The following GPHN variants were observed in gnomAD, a reference collection of about 807,000 sequenced individuals.
GPHN encodes the protein gephyrin.
GPHN carries 17 observed loss-of-function variants against 95.5 expected under a neutral mutation model. The observed-to-expected ratio is 0.18, with a 90% CI of 0.12 to 0.27. The LOEUF (loss-of-function observed/expected upper bound fraction) is 0.27, where lower values mean the gene tolerates loss of function less well. GPHN is among the 10% of genes least tolerant of loss of function. The probability of loss-of-function intolerance (pLI) is 1.00; values close to 1 mark genes in which losing one functional copy is unlikely to be tolerated. For synonymous variants in GPHN, 320 were observed against 322.5 expected, an observed-to-expected ratio of 0.99 and a Z score of 0.08; for missense variants, 660 against 978.1, an observed-to-expected ratio of 0.67 and a Z score of 4.34.
At chr14:66,536,864 A>G (rs1456202289) in intron 1 of GPHN, among the ~76,000 whole-genome samples, 1 of 133,158 alleles carries the variant, frequency 7.5e-6, no homozygotes, top group African/African-American at 3.8e-5. Context: ...ATTATAAACT[A>G]TGACTGTAGT....
intron 1 of GPHN, among the ~76,000 whole-genome samples, chr14:66,575,659 G>A (rs2060872905): frequency 6.6e-6 from 1 of 152,132 alleles, no homozygotes; most frequent in Non-Finnish European, 1.5e-5. Flanking sequence ...ACACAACCAG[G>A]TTATGTCTGC....
intron 2 of GPHN, among the ~76,000 whole-genome samples, chr14:66,688,295 C>G (rs1258449855): frequency 6.6e-6 from 1 of 152,048 alleles, no homozygotes; most frequent in South Asian, 2.1e-4. Flanking sequence ...TTTGCTGTCT[C>G]AGGAGTGGCA....
chr14:66,926,609 G>A (rs1233861472), intron 8 of GPHN, among the ~76,000 whole-genome samples: 1 of 152,074 alleles, frequency 6.6e-6, no homozygotes. Flanking sequence ...ATTGGTCTAT[G>A]TATCTGTTTT....
chr14:66,967,335 G>A (rs2069409211), intron 9 of GPHN, among the ~76,000 whole-genome samples: 1 of 151,956 alleles, frequency 6.6e-6, no homozygotes, highest in Non-Finnish European at 1.5e-5. Context: ...ACAGAAGGAA[G>A]TGAAATTTGT....
At chr14:67,274,227 G>A in the GPHN span, among the ~76,000 whole-genome samples, 1 of 152,126 alleles carries the variant, frequency 6.6e-6, no homozygotes, top group African/African-American at 2.4e-5. Context: ...TATTGCCTAG[G>A]TTTTCTTCTA....
intron 2 of GPHN, among the ~76,000 whole-genome samples, chr14:66,702,339 T>C (rs2153415661): frequency 6.6e-6 from 1 of 152,250 alleles, no homozygotes; most frequent in Non-Finnish European, 1.5e-5. Context: ...GCCACCCAAC[T>C]GGGTGAGACC....
intron 9 of GPHN, among the ~76,000 whole-genome samples, chr14:66,987,789 C>T (rs533886612): frequency 1.2e-4 from 19 of 152,104 alleles, no homozygotes; most frequent in Non-Finnish European, 2.4e-4. Context: ...TGCATTCTTA[C>T]GTTATAGAAA....
intron 9 of GPHN, among the ~76,000 whole-genome samples, chr14:66,987,311 G>A (rs1016465564): frequency 6.6e-6 from 1 of 152,010 alleles, no homozygotes; most frequent in Non-Finnish European, 1.5e-5. Flanking sequence ...AATTACTGAA[G>A]GTGAAATAAA....
the GPHN span, chr14:67,316,836 A>C: frequency 6.2e-7 from 1 of 1,610,994 alleles, no homozygotes; most frequent in Non-Finnish European, 8.5e-7. Context: ...ATTAAGGGAA[A>C]AGCTTTCAGC....
chr14:67,157,904 A>G (rs2081703696), intron 18 of GPHN, among the ~76,000 whole-genome samples: 1 of 151,814 alleles, frequency 6.6e-6, no homozygotes, highest in Non-Finnish European at 1.5e-5. Context: ...GGAAGGAAGG[A>G]GTCTTGCTAG....
At chr14:67,679,824 T>TA in the GPHN span, among the ~76,000 whole-genome samples, 1 of 152,264 alleles carries the variant, frequency 6.6e-6, no homozygotes, top group Non-Finnish European at 1.5e-5. Context: ...AGTCAAAGTT[T>TA]TAAAAAAAAT....
At chr14:66,875,104 A>G (rs1203760527) in intron 4 of GPHN, among the ~76,000 whole-genome samples, 1 of 152,204 alleles carries the variant, frequency 6.6e-6, no homozygotes, top group Non-Finnish European at 1.5e-5. Flanking sequence ...GCCAATATTC[A>G]ACATTCTTAA....
chr14:67,711,330 T>C, the GPHN span, among the ~76,000 whole-genome samples: 4 of 152,234 alleles, frequency 2.6e-5, no homozygotes, highest in African/African-American at 9.6e-5. Flanking sequence ...GTAATAAGTA[T>C]GAAATTGCTT....
At chr14:67,388,811 C>G in the GPHN span, among the ~76,000 whole-genome samples, 1 of 152,058 alleles carries the variant, frequency 6.6e-6, no homozygotes, top group Non-Finnish European at 1.5e-5. Context: ...TCCCGAGGAA[C>G]TGGGATTACA....
chr14:67,283,807 ATCAT>A, the GPHN span, among the ~76,000 whole-genome samples: 60 of 152,246 alleles, frequency 3.9e-4, no homozygotes, highest in Non-Finnish European at 7.8e-4. Context: ...TAACTGCTAC[ATCAT>A]TCAGTCTTTG....
At position 67,143,438 on chromosome 14, in the gene GPHN, A is replaced by T; in HGVS notation, c.1825A>T (p.Met609Leu). Residue 609 changes from methionine (M) to leucine (L), a missense_variant, in exon 18 of 23, where the codon ATG becomes TTG. This residue lies in a region of GPHN where 257 missense variants were observed against 376.2 expected (regional missense o/e 0.68). Coordinates refer to ENST00000478722, the MANE Select transcript of GPHN (RefSeq NM_020806.5). ...DVIITSGGVS[M>L]GEKDYLKQVL... Reference sequence around the variant, plus strand: ...CATCATCACATCAGGGGGTGTATCCATGGGGGAAAAGGTATGAAAGATAGG... The same window carrying T: ...CATCATCACATCAGGGGGTGTATCCTTGGGGGAAAAGGTATGAAAGATAGG... 1 of 1,589,702 alleles carries T rather than the reference A, an allele frequency of 6.3e-7. No individual in the cohort carries two copies. Among genetic ancestry groups the T allele is most frequent in the Non-Finnish European group, 8.6e-7 (1 of 1,157,792 alleles).
At chr14:67,647,103 T>G in the GPHN span, 371 of 951,032 alleles carry the variant, frequency 3.9e-4, 5 homozygotes, top group South Asian at 5.2e-3. Context: ...GGACAGCAGC[T>G]TTACTTTTAA....
intron 1 of GPHN, among the ~76,000 whole-genome samples, chr14:66,655,771 CCTTTTTCTTCTCAT>C (rs2065270570): frequency 5.3e-5 from 8 of 151,696 alleles, no homozygotes. Flanking sequence ...TGAGGAATTT[CCTTTTTCTTCTCAT>C]CTTTTTGAGA....
At chr14:67,451,443 C>G in the GPHN span, among the ~76,000 whole-genome samples, 1 of 152,228 alleles carries the variant, frequency 6.6e-6, no homozygotes, top group African/African-American at 2.4e-5. Flanking sequence ...AGGAGAAGGG[C>G]TATACATGCA....
Sources: gnomAD v4.1 joint callset for allele counts (sites outside exome capture counted in the v4.1 genomes callset) on GRCh38, gnomAD v4.1.1 for gene constraint, gnomAD v4.1.1 regional missense constraint, MANE v1.5 for transcripts, NCBI Gene and HGNC (gene_info 2026-07-23, HGNC 2026-07-21) for gene names.